The following PTPN21 variants were observed in gnomAD, a reference collection of about 807,000 sequenced individuals.
PTPN21 encodes the protein protein tyrosine phosphatase non-receptor type 21.
In PTPN21, 77 loss-of-function variants were observed where a neutral mutation model predicts 131.8. The ratio of observed to expected loss-of-function variants is 0.58; its 90% confidence interval spans 0.49 to 0.71. PTPN21 has a LOEUF of 0.71. Ranked by LOEUF, PTPN21 falls within the 30% of genes least tolerant of loss-of-function variation. The pLI is 0.00. For missense variants in PTPN21, 1,552 were observed against 1,527.1 expected (o/e 1.02, Z -0.27); for synonymous variants, 715 against 621.3 (o/e 1.15, Z -2.24).
In PTPN21 at chr14:88,469,790, A is replaced by C. The variant is rs2077429427; in HGVS notation, c.3001-57T>G. 1.9e-6 allele frequency: 3 copies of C among 1,598,336 alleles called. No homozygotes were observed. Among genetic ancestry groups the C allele is most frequent in the Non-Finnish European group, 1.7e-6 (2 of 1,165,878 alleles). On this transcript the variant is annotated intron_variant, in intron 16 of 18. Coordinates refer to ENST00000556564, the MANE Select transcript of PTPN21 (RefSeq NM_007039.4). This position sits in a 1 kb window ranked among gnomAD's most constrained non-coding sequence, Gnocchi z 4.3. ...AGATCCGGCAATGGATGCCTTTCTCACATAGACGGCACATCTGAAACAGAA... is the reference window on the plus strand; with the variant it reads ...AGATCCGGCAATGGATGCCTTTCTCCCATAGACGGCACATCTGAAACAGAA...
In PTPN21 at chr14:88,504,439, T is replaced by C; in HGVS notation, c.573A>G (p.Leu191=). 6.2e-7 allele frequency: 1 copy of C among 1,609,378 alleles called. No homozygotes were observed. The highest frequency in any genetic ancestry group is 8.5e-7 in the Non-Finnish European group (1 of 1,175,700). ...LEEATQKVAL[L]HQKYRGLTAP... is the part of the protein sequence containing the mutation. ...CTTAGAGTTACCTGTATTTCTGATG[T>C]AGTAAGGCCACTTTTTGGGTTGCTT... is the stretch of plus-strand genomic sequence containing the variant. Residue 191 remains leucine, a synonymous_variant, in exon 6 of 19, where the codon CTA becomes CTG. Coordinates refer to ENST00000556564, the MANE Select transcript of PTPN21 (RefSeq NM_007039.4).
In PTPN21 at chr14:88,517,231, T is replaced by A. The variant is rs1401877040; in HGVS notation, c.211A>T (p.Lys71Ter). 6.2e-7 allele frequency: 1 copy of A among 1,614,078 alleles called. No individual in the cohort carries two copies. The highest frequency in any genetic ancestry group is 8.5e-7 in the Non-Finnish European group (1 of 1,179,968). Reference sequence around the variant, plus strand: ...TCTACCCACCGGCGCTGATTTTGCTTGTTGTAGTACCAGAGGCTGAAGTAA... The same window carrying A: ...TCTACCCACCGGCGCTGATTTTGCTAGTTGTAGTACCAGAGGCTGAAGTAA... Reference protein sequence around the residue: ...VTYFSLWYYNKQNQRRWVDLE... With the variant: ...VTYFSLWYYN Residue 71 changes from lysine to a stop codon, truncating the protein, a stop_gained, in exon 3 of 19, where the codon AAG becomes TAG. Coordinates refer to ENST00000556564, the MANE Select transcript of PTPN21 (RefSeq NM_007039.4). LOFTEE classifies it high-confidence loss of function.
chr14:88,549,364 G>A (rs965327208), intron 2 of PTPN21, among the ~76,000 whole-genome samples: 2 of 152,200 alleles, frequency 1.3e-5, no homozygotes, highest in African/African-American at 4.8e-5. Flanking sequence ...AACCCAAAGT[G>A]TATTCACATT....
At chr14:88,526,354 C>T (rs1289782319) in intron 2 of PTPN21, among the ~76,000 whole-genome samples, 2 of 151,758 alleles carry the variant, frequency 1.3e-5, no homozygotes, top group Non-Finnish European at 2.9e-5. Context: ...TCAAGACCAG[C>T]CTGACCAACA....
chr14:88,498,385 T>C (rs2077957139), intron 8 of PTPN21, among the ~76,000 whole-genome samples: 1 of 152,216 alleles, frequency 6.6e-6, no homozygotes, highest in South Asian at 2.1e-4. Context: ...AACTCATGTA[T>C]AATAAATGAG....
chr14:88,474,647 C>A (rs750419026), intron 13 of PTPN21, among the ~76,000 whole-genome samples: 3 of 152,036 alleles, frequency 2.0e-5, no homozygotes, highest in African/African-American at 7.2e-5. Context: ...CCTCTCAGAA[C>A]GGCTACGTTT....
chr14:88,470,859 T>C (rs1434644434), intron 15 of PTPN21, among the ~76,000 whole-genome samples: 4 of 152,196 alleles, frequency 2.6e-5, no homozygotes, highest in Non-Finnish European at 5.9e-5. Context: ...TTTATTTATT[T>C]CCATGTAAGT....
chr14:88,485,909 T>C (rs1424856947), intron 10 of PTPN21, 67 bp from the exon 11 acceptor site: 3 of 936,028 alleles, frequency 3.2e-6, no homozygotes, highest in East Asian at 5.0e-5. Context: ...CAAAACAAGA[T>C]ATAGGAATGT....
intron 3 of PTPN21, chr14:88,513,540 G>A (rs1403891421): frequency 6.6e-6 from 1 of 152,208 alleles, no homozygotes; most frequent in Non-Finnish European, 1.5e-5. Context: ...AGGTTTATCT[G>A]AGGCATGATT....
chr14:88,477,684 TAGTTGCC>T (rs2077568673), intron 13 of PTPN21, among the ~76,000 whole-genome samples: 2 of 152,024 alleles, frequency 1.3e-5, no homozygotes, highest in Non-Finnish European at 2.9e-5. Flanking sequence ...AGGAGAACCC[TAGTTGCC>T]AGGACACTGG....
chr14:88,551,206 A>T (rs1029967254), intron 1 of PTPN21: 10 of 152,380 alleles, frequency 6.6e-5, no homozygotes, highest in African/African-American at 2.4e-4. Flanking sequence ...ACATCATAAA[A>T]GACCCTACAA....
chr14:88,497,640 G>A (rs79668205), intron 8 of PTPN21, among the ~76,000 whole-genome samples: 5,350 of 151,972 alleles, frequency 0.035, 304 homozygotes, highest in African/African-American at 0.12. Context: ...CTCGCCAGGC[G>A]TGGTAGCAGG....
At chr14:88,523,570 T>TTC (rs1420852181) in intron 2 of PTPN21, among the ~76,000 whole-genome samples, 6 of 152,140 alleles carry the variant, frequency 3.9e-5, no homozygotes, top group Non-Finnish European at 8.8e-5. Flanking sequence ...ACCACTGCCA[T>TTC]TTGACATTGT....
intron 2 of PTPN21, among the ~76,000 whole-genome samples, chr14:88,525,408 C>G (rs2078459396): frequency 6.6e-6 from 1 of 152,088 alleles, no homozygotes; most frequent in Admixed American, 6.6e-5. Context: ...GGGCAAAGGA[C>G]TTACACACTT....
chr14:88,528,397 T>C (rs1291413036), intron 2 of PTPN21, among the ~76,000 whole-genome samples: 1 of 152,240 alleles, frequency 6.6e-6, no homozygotes, highest in Non-Finnish European at 1.5e-5. Flanking sequence ...AGTATTTTAA[T>C]TCTTTTTCCA....
At position 88,517,164 on chromosome 14, in the gene PTPN21, A is replaced by C; in HGVS notation, c.278T>G (p.Leu93Trp). The C allele has an allele frequency of 1.4e-5, 23 of 1,614,156 alleles. No homozygotes were observed. The highest frequency in any genetic ancestry group is 1.9e-5 in the Non-Finnish European group (23 of 1,179,994). The change falls in exon 3 of 19, where the codon TTG (leucine) becomes TGG (tryptophan). Residue 93 changes from leucine to tryptophan, a missense_variant. Leu to Trp is a moderately conservative substitution (Grantham distance 61). Around this residue, in one of 4 missense-constraint regions of PTPN21, gnomAD observed 206 missense variants for 221.6 expected, o/e 0.93. Transcript: ENST00000556564. Reference sequence around the variant, plus strand: ...CACTCCAAAATAGACGGTAGGTTCCAATGCATATTTATCCAGCTGCTTCTT... The same window carrying C: ...CACTCCAAAATAGACGGTAGGTTCCCATGCATATTTATCCAGCTGCTTCTT... The part of the protein sequence containing the change: ...PLKKQLDKYA[L>W]EPTVYFGVVF...
intron 15 of PTPN21, chr14:88,470,260 G>T (rs1213508741): frequency 3.5e-6 from 2 of 577,034 alleles, no homozygotes; most frequent in Non-Finnish European, 6.1e-6. Context: ...ATAAACTTAG[G>T]TACTGTGAAT....
At chr14:88,486,612 A>G (rs1256127954) in intron 10 of PTPN21, among the ~76,000 whole-genome samples, 2 of 152,210 alleles carry the variant, frequency 1.3e-5, no homozygotes, top group African/African-American at 4.8e-5. Context: ...GACTTGGTTC[A>G]GTGAGCCGAT....
chr14:88,527,096 G>T (rs1320749379), intron 2 of PTPN21, among the ~76,000 whole-genome samples: 2 of 152,152 alleles, frequency 1.3e-5, no homozygotes, highest in Non-Finnish European at 2.9e-5. Context: ...TTGCAATTGT[G>T]AATTGTGCTA....
Sources: allele counts gnomAD v4.1 joint callset (sites outside exome capture counted in the v4.1 genomes callset), GRCh38; gene constraint gnomAD v4.1.1; regional missense constraint gnomAD v4.1.1; non-coding constraint Gnocchi (gnomAD v3.1); transcripts MANE v1.5; gene names NCBI Gene and HGNC (gene_info 2026-07-23, HGNC 2026-07-21).